NDUFC2: variants seen among roughly 807,000 people sequenced by gnomAD.
NDUFC2 encodes the protein NADH:ubiquinone oxidoreductase subunit C2, also known as NADH dehydrogenase [ubiquinone] 1 subunit C2.
Under a neutral mutation model 10.1 loss-of-function variants are expected in NDUFC2, and 2 were observed. That is an observed-to-expected ratio of 0.20 (90% CI 0.08 to 0.62). NDUFC2 has a LOEUF of 0.62. Among genes scored for constraint, NDUFC2 ranks in the 20% least tolerant of loss-of-function variants. NDUFC2 has a pLI of 0.87. For synonymous variants in NDUFC2, 61 were observed against 63.6 expected, an observed-to-expected ratio of 0.96 and a Z score of 0.20; for missense variants, 156 against 159.6, an observed-to-expected ratio of 0.98 and a Z score of 0.12.
At position 78,076,181 on chromosome 11, in the gene NDUFC2, G is replaced by A. The variant is rs112417626; in HGVS notation, c.167-3040C>T. ...TTTAAAGACAGAGTCTCAGTCTGTC[G>A]CCCAGGCTGGAGTGCAATGGCACAA... is the stretch of plus-strand genomic sequence containing the variant. On this transcript the variant is annotated intron_variant, in intron 1 of 2. Coordinates refer to ENST00000281031, the MANE Select transcript of NDUFC2 (RefSeq NM_004549.6). Among the ~76,000 whole-genome samples, 333 of 149,326 alleles carry A rather than the reference G, an allele frequency of 2.2e-3. 1 individual carries two copies. Among genetic ancestry groups the A allele is most frequent in the African/African-American group, 7.8e-3 (314 of 40,372 alleles).
chr11:78,078,728 C>CATTTTTTTTTTTTTTTTTTTTTTTTT (rs1859357363), intron 1 of NDUFC2, among the ~76,000 whole-genome samples: 1 of 61,642 alleles, frequency 1.6e-5, no homozygotes, highest in Non-Finnish European at 3.0e-5. Context: ...TCAGGATCCG[C>CATTTTTTTTTTTTTTTTTTTTTTTTT]TTTTTTTTTT....
intron 1 of NDUFC2, among the ~76,000 whole-genome samples, chr11:78,074,924 G>A (rs1018871729): frequency 3.9e-5 from 6 of 152,108 alleles, no homozygotes; most frequent in East Asian, 1.9e-4. Flanking sequence ...ATAAGCGTTC[G>A]AGATGATGAT....
At chr11:78,072,784 GA>G in intron 2 of NDUFC2, 1 of 645,386 alleles carries the variant, frequency 1.5e-6, no homozygotes, top group Non-Finnish European at 2.6e-6. Flanking sequence ...GGAGGTTTGG[GA>G]AGGCAGAGGG....
chr11:78,071,316 G>GCT (rs1858998778), intron 2 of NDUFC2, among the ~76,000 whole-genome samples: 1 of 145,346 alleles, frequency 6.9e-6, no homozygotes, highest in African/African-American at 2.6e-5. Context: ...GGAATGCAGT[G>GCT]GTGTGATCAC....
Position 78,069,174 on chromosome 11 carries a change from G to A in NDUFC2, c.*813C>T, listed in dbSNP as rs985402512. 1 of 152,266 alleles carries A rather than the reference G, an allele frequency of 6.6e-6. No homozygotes were observed. The highest frequency in any genetic ancestry group is 2.4e-5 in the African/African-American group (1 of 41,454). The allele number at this position is 152,266 out of a possible 1,614,324, so 9.4% of individuals were successfully genotyped here. Reference sequence around the variant, plus strand: ...CAAAGTGCTGGGATTACAGGCATGAGCCACTGCATCGGGCCAGGACAAGCA... The same window carrying A: ...CAAAGTGCTGGGATTACAGGCATGAACCACTGCATCGGGCCAGGACAAGCA... On this transcript the variant is annotated 3_prime_UTR_variant, in exon 3 of 3. Coordinates refer to ENST00000281031, the MANE Select transcript of NDUFC2 (RefSeq NM_004549.6).
At position 78,070,309 on chromosome 11, in the gene NDUFC2, G is replaced by A. The variant is rs149578589; in HGVS notation, c.311-273C>T. On this transcript the variant is annotated intron_variant, in intron 2 of 2. Coordinates refer to ENST00000281031, the MANE Select transcript of NDUFC2 (RefSeq NM_004549.6). ...TTGTTTGCCTCTTCTACCATGTGAGGACACAGCAAGATGGCATCATCTATG... is the reference window on the plus strand; with the variant it reads ...TTGTTTGCCTCTTCTACCATGTGAGAACACAGCAAGATGGCATCATCTATG... Among the ~76,000 whole-genome samples the A allele has an allele frequency of 4.4e-3, 674 of 152,230 alleles. 6 individuals are homozygous for A. The highest frequency in any genetic ancestry group is 0.015 in the African/African-American group (623 of 41,526).
chr11:78,070,125 T>C, intron 2 of NDUFC2, 89 bp from the exon 3 acceptor site: 1 of 936,318 alleles, frequency 1.1e-6, no homozygotes, highest in African/African-American at 1.7e-5. Context: ...TCACTAATCT[T>C]ATGATTGAAA....
rs1858919482 is a variant in NDUFC2, at chr11:78,069,900, A to G, written c.*87T>C. The G allele has an allele frequency of 3.7e-6, 6 of 1,613,104 alleles. No individual in the cohort carries two copies. Among genetic ancestry groups the G allele is most frequent in the Non-Finnish European group, 2.5e-6 (3 of 1,179,550 alleles). ...ACAAGGTGTCAACATACAGATTAGC[A>G]TAAGCTTCAACTGTCATAAGAAACA... is the stretch of plus-strand genomic sequence containing the variant. On this transcript the variant is annotated 3_prime_UTR_variant, in exon 3 of 3. Transcript: ENST00000281031.
chr11:78,072,928 C>T, intron 2 of NDUFC2, 70 bp downstream of exon 2: 1 of 1,570,478 alleles, frequency 6.4e-7, no homozygotes, highest in African/African-American at 1.4e-5. Context: ...AAGCCATACA[C>T]ATGGATAAGA....
At chr11:78,077,711 A>C (rs1194581374) in intron 1 of NDUFC2, among the ~76,000 whole-genome samples, 1 of 152,058 alleles carries the variant, frequency 6.6e-6, no homozygotes, top group African/African-American at 2.4e-5. Context: ...GCACATCACC[A>C]TGCCTGGCTA....
chr11:78,079,494 C>A (rs1859413793), intron 1 of NDUFC2, 85 bp downstream of exon 1: 2 of 1,467,324 alleles, frequency 1.4e-6, no homozygotes, highest in African/African-American at 1.5e-5. Context: ...AAAAGCAGAG[C>A]ACCTCAGGGG....
intron 1 of NDUFC2, among the ~76,000 whole-genome samples, chr11:78,073,783 C>T (rs1177072529): frequency 3.0e-5 from 3 of 100,690 alleles, no homozygotes; most frequent in African/African-American, 1.2e-4. Flanking sequence ...GCCTGGGGGA[C>T]GGAGTGAGGC....
At position 78,079,802 on chromosome 11, in the gene NDUFC2, C is replaced by T; in HGVS notation, c.-58G>A. On this transcript the variant is annotated 5_prime_UTR_variant, in exon 1 of 3. The change creates a new upstream start codon in the 5' untranslated region. Transcript: ENST00000281031. Reference sequence around the variant, plus strand: ...AGACCACGAACTACAAGGAAAACCACGACGACCACTACCCCGGCCTAAGCG... The same window carrying T: ...AGACCACGAACTACAAGGAAAACCATGACGACCACTACCCCGGCCTAAGCG... 2 of 1,546,750 alleles carry T rather than the reference C, an allele frequency of 1.3e-6. No individual in the cohort carries two copies. The highest frequency in any genetic ancestry group is 2.3e-5 in the Admixed American group (1 of 44,096).
chr11:78,074,559 G>A (rs1033723994), intron 1 of NDUFC2, among the ~76,000 whole-genome samples: 2 of 151,536 alleles, frequency 1.3e-5, no homozygotes, highest in Non-Finnish European at 2.9e-5. Context: ...ATTGCAGTGA[G>A]CCAAGATCAC....
intron 2 of NDUFC2, among the ~76,000 whole-genome samples, chr11:78,071,827 GGAA>G (rs1244055355): frequency 7.9e-5 from 12 of 152,234 alleles, no homozygotes; most frequent in African/African-American, 2.6e-4. Context: ...TAACATAGCA[GGAA>G]GAAGGTACAA....
rs200556533 is a variant in NDUFC2, at chr11:78,079,598, C to T, written c.147G>A (p.Arg49=). ...CSGLIDNLIR[R]RPIATAGLHR... ...ACTCACCAGCCGTCGCGATCGGCCT[C>T]CGCCGGATTAGGTTATCAATCAGGC... Residue 49 remains arginine (R), a synonymous_variant, in exon 1 of 3, where the codon CGG becomes CGA. Transcript: ENST00000281031. 68 of 1,555,154 alleles carry T rather than the reference C, an allele frequency of 4.4e-5. No homozygotes were observed. In the East Asian group the frequency reaches 1.6e-3, roughly 36 times the overall value.
intron 1 of NDUFC2, among the ~76,000 whole-genome samples, chr11:78,074,592 G>A (rs1359069317): frequency 3.3e-5 from 5 of 149,968 alleles, no homozygotes; most frequent in African/African-American, 9.8e-5. Flanking sequence ...TAGCCTGGGC[G>A]ACAGAATGAG....
rs1015314391 is a variant in NDUFC2, at chr11:78,069,738, C to G, written c.*249G>C. On this transcript the variant is annotated 3_prime_UTR_variant, in exon 3 of 3. Transcript: ENST00000281031. ...TGGCAGTGGGCCAGATTTGGGTAGTCTGCTAACTCTAAACTAGAATTCAAC... is the reference window on the plus strand; with the variant it reads ...TGGCAGTGGGCCAGATTTGGGTAGTGTGCTAACTCTAAACTAGAATTCAAC... 2 of 793,564 alleles carry G rather than the reference C, an allele frequency of 2.5e-6. No individual in the cohort carries two copies. The highest frequency in any genetic ancestry group is 5.6e-5 in the Admixed American group (2 of 35,678). The allele number at this position is 793,564 out of a possible 1,614,324, so 49.2% of individuals were successfully genotyped here.
intron 1 of NDUFC2, among the ~76,000 whole-genome samples, chr11:78,074,610 C>T (rs1049613173): frequency 6.7e-6 from 1 of 148,820 alleles, no homozygotes; most frequent in Non-Finnish European, 1.5e-5. Flanking sequence ...GAGACTCTGT[C>T]TCAAAAAAAA....
Sources: gnomAD v4.1 joint callset for allele counts (sites outside exome capture counted in the v4.1 genomes callset) on GRCh38, gnomAD v4.1.1 for gene constraint, MANE v1.5 for transcripts, NCBI Gene and HGNC (gene_info 2026-07-23, HGNC 2026-07-21) for gene names.